TRIM3: variants seen among roughly 807,000 people sequenced by gnomAD.
TRIM3 encodes the protein tripartite motif-containing protein 3.
A neutral mutation model predicts 66.6 loss-of-function variants in TRIM3; 13 were observed. The ratio of observed to expected loss-of-function variants is 0.20; its 90% confidence interval spans 0.13 to 0.31. The LOEUF (loss-of-function observed/expected upper bound fraction) is 0.31, where lower values mean the gene tolerates loss of function less well. Ranked by LOEUF, TRIM3 falls within the 10% of genes least tolerant of loss-of-function variation. TRIM3 has a pLI of 1.00. For synonymous variants in TRIM3, 406 were observed against 411.7 expected, an observed-to-expected ratio of 0.99 and a Z score of 0.17; for missense variants, 711 against 1,020.4, an observed-to-expected ratio of 0.70 and a Z score of 4.13.
intron 1 of TRIM3, among the ~76,000 whole-genome samples, chr11:6,466,858 C>G (rs1020408657): frequency 6.6e-6 from 1 of 152,202 alleles, no homozygotes; most frequent in Admixed American, 6.5e-5. Context: ...ATAAGCTATG[C>G]TGTAATGTTC....
Position 6,457,277 on chromosome 11 carries a change from G to A in TRIM3, c.696+19C>T, listed in dbSNP as rs764870240. The A allele has an allele frequency of 2.4e-5, 39 of 1,612,516 alleles. No homozygotes were observed. The highest frequency in any genetic ancestry group is 3.2e-5 in the Non-Finnish European group (38 of 1,179,128). ...CATCACAATGGACGATGGTAGGAAAGGGTGAACACAAGACACACCTTCTGT... is the reference window on the plus strand; with the variant it reads ...CATCACAATGGACGATGGTAGGAAAAGGTGAACACAAGACACACCTTCTGT... On this transcript the variant is annotated intron_variant, in intron 5 of 11. Transcript: ENST00000345851. This position sits in a 1 kb window ranked among gnomAD's most constrained non-coding sequence, Gnocchi z 4.5.
In TRIM3 at chr11:6,448,738, G is replaced by A; in HGVS notation, c.*290C>T. On this transcript the variant is annotated 3_prime_UTR_variant, in exon 12 of 12. Transcript: ENST00000345851. Reference sequence around the variant, plus strand: ...GGGTAGGCTGTTCTGGCCCCAGGCTGGGGGATGGGGAGCAGACTGACAGGG... The same window carrying A: ...GGGTAGGCTGTTCTGGCCCCAGGCTAGGGGATGGGGAGCAGACTGACAGGG... 1.6e-6 allele frequency: 1 copy of A among 612,436 alleles called. No homozygotes were observed. Among genetic ancestry groups the A allele is most frequent in the South Asian group, 2.0e-5 (1 of 50,410 alleles). The allele number at this position is 612,436 out of a possible 1,614,324, so 37.9% of individuals were successfully genotyped here.
In TRIM3 at chr11:6,450,357, T is replaced by G. The variant is rs1849669917; in HGVS notation, c.1941+194A>C. The G allele has an allele frequency of 3.4e-6, 2 of 596,936 alleles. No homozygotes were observed. Among genetic ancestry groups the G allele is most frequent in the Admixed American group, 3.0e-5 (1 of 33,508 alleles). 37.0% of individuals were successfully genotyped at this position (596,936 alleles called of 1,614,324 possible). On this transcript the variant is annotated intron_variant, in intron 10 of 11. Transcript: ENST00000345851. The surrounding 1 kb of genome is among the most constrained non-coding windows in gnomAD (Gnocchi z 4.8). ...ATAATCAAGAAGACACAGAATACAT[T>G]TGCTTTGTGCATCACTGTATCTCCA...
intron 7 of TRIM3, among the ~76,000 whole-genome samples, chr11:6,453,959 G>C (rs1458007943): frequency 1.3e-5 from 2 of 152,202 alleles, no homozygotes; most frequent in African/African-American, 4.8e-5. Flanking sequence ...TCTGAGCCAG[G>C]CTCCTAGCAG....
intron 1 of TRIM3, among the ~76,000 whole-genome samples, chr11:6,469,286 G>A (rs1850589470): frequency 6.6e-6 from 1 of 152,152 alleles, no homozygotes. Context: ...CGGGGATTGG[G>A]CTATGTCCAA....
At chr11:6,461,483 G>T (rs4758106) in intron 2 of TRIM3, among the ~76,000 whole-genome samples, 1 of 129,758 alleles carries the variant, frequency 7.7e-6, no homozygotes, top group Non-Finnish European at 1.6e-5. Flanking sequence ...ATTACCCCCC[G>T]CACCACTCTG....
At position 6,458,076 on chromosome 11, in the gene TRIM3, G is replaced by A. The variant is rs1268470667; in HGVS notation, c.352C>T (p.His118Tyr). 6.2e-7 allele frequency: 1 copy of A among 1,604,698 alleles called. No individual in the cohort carries two copies. Among genetic ancestry groups the A allele is most frequent in the Non-Finnish European group, 8.5e-7 (1 of 1,175,540 alleles). Reference sequence around the variant, plus strand: ...TCGCTTGGGCCCACCTTGCCTTCATGGTTGGGGCAGGAGAGAGGGCGGCCA... The same window carrying A: ...TCGCTTGGGCCCACCTTGCCTTCATAGTTGGGGCAGGAGAGAGGGCGGCCA... ...VAGRPLSCPN[H>Y]EGKTMEFYCE... Residue 118 changes from histidine (H) to tyrosine (Y), a missense_variant, in exon 3 of 12, where the codon CAT (histidine) becomes TAT (tyrosine). Coordinates refer to ENST00000345851, the MANE Select transcript of TRIM3 (RefSeq NM_033278.4). This position sits in a 1 kb window ranked among gnomAD's most constrained non-coding sequence, Gnocchi z 6.2.
At chr11:6,470,433 T>C (rs889342798) in intron 1 of TRIM3, among the ~76,000 whole-genome samples, 5 of 152,214 alleles carry the variant, frequency 3.3e-5, no homozygotes, top group African/African-American at 1.2e-4. Flanking sequence ...AGACAGGGTC[T>C]TACTCTGTTG....
At chr11:6,466,804 C>T (rs1850490006) in intron 1 of TRIM3, among the ~76,000 whole-genome samples, 1 of 152,150 alleles carries the variant, frequency 6.6e-6, no homozygotes. Flanking sequence ...GGTGCTCTAC[C>T]TCTGTGTCCC....
chr11:6,471,896 T>C (rs879705108), intron 1 of TRIM3, among the ~76,000 whole-genome samples: 6 of 152,082 alleles, frequency 3.9e-5, no homozygotes, highest in Non-Finnish European at 8.8e-5. Context: ...ATGGACAAGA[T>C]TGCAAATCTC....
At position 6,464,167 on chromosome 11, in the gene TRIM3, G is replaced by A. The variant is rs575694372; in HGVS notation, c.131+1398C>T. 3.6e-3 allele frequency among the ~76,000 whole-genome samples: 545 copies of A among 152,276 alleles called. 2 individuals are homozygous for A. Among genetic ancestry groups the A allele is most frequent in the African/African-American group, 0.012 (503 of 41,544 alleles). On this transcript the variant is annotated intron_variant, in intron 2 of 11. Transcript: ENST00000345851. ...TTCATGTGGCTCTCAGGGTAAAGGT[G>A]AAATTCCCTAACAGGTCTACAAAGC...
chr11:6,451,472 G>A (rs539210070), intron 7 of TRIM3, 34 bp from the exon 8 acceptor site: 1 of 1,610,200 alleles, frequency 6.2e-7, no homozygotes, highest in East Asian at 2.2e-5. Context: ...GGAGCAGGTA[G>A]GAGGGGAGAC....
chr11:6,464,898 A>G (rs1363968069), intron 2 of TRIM3, among the ~76,000 whole-genome samples: 1 of 146,716 alleles, frequency 6.8e-6, no homozygotes, highest in African/African-American at 2.5e-5. Context: ...GAGGCAGGAG[A>G]ATTGGTTGAA....
At chr11:6,459,640 A>C (rs959289783) in intron 2 of TRIM3, among the ~76,000 whole-genome samples, 6 of 152,244 alleles carry the variant, frequency 3.9e-5, no homozygotes, top group Admixed American at 1.3e-4. Context: ...TAGGAAGTGA[A>C]GAAGACCTGG....
Position 6,451,380 on chromosome 11 carries a change from C to G in TRIM3, c.1592G>C (p.Gly531Ala), listed in dbSNP as rs1380920421. ...FRFGVRGRSP[G>A]QLQRPTGVAV... ...CACACCTGTGGGGCGCTGCAGCTGCCCAGGTGAGCGTCCTCGGACCCCAAA... is the reference window on the plus strand; with the variant it reads ...CACACCTGTGGGGCGCTGCAGCTGCGCAGGTGAGCGTCCTCGGACCCCAAA... Residue 531 changes from glycine to alanine, a missense_variant, in exon 8 of 12, where the codon GGG becomes GCG. Physicochemically the swap from Gly to Ala is moderately conservative, Grantham distance 60 (BLOSUM62 0). Coordinates refer to ENST00000345851, the MANE Select transcript of TRIM3 (RefSeq NM_033278.4). The G allele has an allele frequency of 6.2e-7, 1 of 1,614,190 alleles. No homozygotes were observed. The highest frequency in any genetic ancestry group is 8.5e-7 in the Non-Finnish European group (1 of 1,180,050).
At chr11:6,460,591 G>A (rs1236971479) in intron 2 of TRIM3, among the ~76,000 whole-genome samples, 1 of 152,154 alleles carries the variant, frequency 6.6e-6, no homozygotes, top group African/African-American at 2.4e-5. Context: ...GGACATAGGA[G>A]AGTGAAGGAT....
chr11:6,449,124 C>T lies in TRIM3; in HGVS notation c.2139G>A (p.Leu713=), dbSNP rs899688047. ...TCAGTGCCAGGCCCTGTGGACCATA[C>T]AGTGGTTCTGCAGATGTGTTGATAT... is the stretch of plus-strand genomic sequence containing the variant. ...LSYINTSAEP[L]YGPQGLALTS... is the part of the protein sequence containing the mutation. The change falls in exon 12 of 12, where the codon CTG becomes CTA. Residue 713 remains leucine (L), a synonymous_variant. Coordinates refer to ENST00000345851, the MANE Select transcript of TRIM3 (RefSeq NM_033278.4). The surrounding 1 kb of genome is among the most constrained non-coding windows in gnomAD (Gnocchi z 5.3). The T allele has an allele frequency of 1.9e-6, 3 of 1,614,076 alleles. No homozygotes were observed. The highest frequency in any genetic ancestry group is 3.3e-5 in the Admixed American group (2 of 60,012).
In TRIM3 at chr11:6,449,631, C is replaced by A; in HGVS notation, c.1942-185G>T. 2 of 508,374 alleles carry A rather than the reference C, an allele frequency of 3.9e-6. No individual in the cohort carries two copies. The highest frequency in any genetic ancestry group is 6.9e-6 in the Non-Finnish European group (2 of 290,332). The allele number at this position is 508,374 out of a possible 1,614,324, so 31.5% of individuals were successfully genotyped here. A position where few individuals can be genotyped will look rare whatever the true frequency, so the allele number is the denominator to read the frequency against. On this transcript the variant is annotated intron_variant, in intron 10 of 11. Coordinates refer to ENST00000345851, the MANE Select transcript of TRIM3 (RefSeq NM_033278.4). The surrounding 1 kb of genome is among the most constrained non-coding windows in gnomAD (Gnocchi z 5.3). Reference sequence around the variant, plus strand: ...CCTAGTAGACATCTCTTGCTGATGTCCATTGGGAATATCAAATCTAACAGC... The same window carrying A: ...CCTAGTAGACATCTCTTGCTGATGTACATTGGGAATATCAAATCTAACAGC...
Position 6,451,040 on chromosome 11 carries a change from G to T in TRIM3, c.1722C>A (p.Arg574=). 6.2e-7 allele frequency: 1 copy of T among 1,614,184 alleles called. No homozygotes were observed. The highest frequency in any genetic ancestry group is 8.5e-7 in the Non-Finnish European group (1 of 1,180,014). The change falls in exon 9 of 12, where the codon CGC becomes CGA. Residue 574 remains arginine (R), a synonymous_variant. Transcript: ENST00000345851. The part of the protein sequence containing the change: ...GKFKTKIGAG[R]LMGPKGVAVD... Reference sequence around the variant, plus strand: ...CGGCCACTCCCTTGGGGCCCATGAGGCGGCCAGCTCCAATCTTGGTCTGGA... The same window carrying T: ...CGGCCACTCCCTTGGGGCCCATGAGTCGGCCAGCTCCAATCTTGGTCTGGA...
Sources: allele counts gnomAD v4.1 joint callset (sites outside exome capture counted in the v4.1 genomes callset), GRCh38; gene constraint gnomAD v4.1.1; non-coding constraint Gnocchi (gnomAD v3.1); transcripts MANE v1.5; gene names NCBI Gene and HGNC (gene_info 2026-07-23, HGNC 2026-07-21).